RAB37: variants seen among roughly 807,000 people sequenced by gnomAD.
RAB37 encodes RAB37, member RAS oncogene family, also known as ras-related protein Rab-37.
In RAB37, 29 loss-of-function variants were observed where a neutral mutation model predicts 33.1. That is an observed-to-expected ratio of 0.88 (90% confidence interval 0.65 to 1.20). The LOEUF (loss-of-function observed/expected upper bound fraction) is 1.20. RAB37 is among the 50% of genes most tolerant of loss of function. The pLI, the probability that RAB37 is intolerant of heterozygous loss-of-function variation, is 0.00. For synonymous variants in RAB37, 128 were observed against 119.5 expected (o/e 1.07, Z -0.47); for missense variants, 299 against 301.1 (o/e 0.99, Z 0.05).
At chr17:74,695,392 C>G in intron 1 of RAB37, 1 of 1,006,388 alleles carries the variant, frequency 9.9e-7, no homozygotes, top group Middle Eastern at 2.5e-4. Context: ...TCCCCCTTCA[C>G]TCTGCCAAGC....
intron 1 of RAB37, among the ~76,000 whole-genome samples, chr17:74,689,288 C>T (rs1385499322): frequency 6.6e-6 from 1 of 151,868 alleles, no homozygotes; most frequent in East Asian, 1.9e-4. Context: ...ACTAAAAATA[C>T]AAAAATTAGC....
chr17:74,744,414 C>T lies in RAB37; in HGVS notation c.432+41C>T, dbSNP rs1488143570. 6.3e-7 allele frequency: 1 copy of T among 1,597,888 alleles called. No homozygotes were observed. ...GCAGGGTCAGCCCAGCCCTGCACTT[C>T]CTCAGCCCTAGCCGGCCCCATAACC... On this transcript the variant is annotated intron_variant, in intron 6 of 8. Coordinates refer to ENST00000392613, the MANE Select transcript of RAB37 (RefSeq NM_001006638.3). The surrounding 1 kb of genome is among the most constrained non-coding windows in gnomAD (Gnocchi z 4.2).
In RAB37 at chr17:74,676,981, C is replaced by G. The variant is rs768627464; in HGVS notation, c.72+5323C>G. Among the ~76,000 whole-genome samples, 20 of 151,960 alleles carry G rather than the reference C, an allele frequency of 1.3e-4. No individual in the cohort carries two copies. Among genetic ancestry groups the G allele is most frequent in the Non-Finnish European group, 2.5e-4 (17 of 67,994 alleles). On this transcript the variant is annotated intron_variant, in intron 1 of 7. Coordinates refer to the RAB37 transcript ENST00000340415. The surrounding 1 kb of genome is among the most constrained non-coding windows in gnomAD (Gnocchi z 4.1). ...GCTTGGCCAACATGGTGAAACTCGT[C>G]TCTACTAAAAATACAAAAATTAGTC...
chr17:74,702,986 T>C (rs773496412), intron 1 of RAB37: 1 of 1,431,730 alleles, frequency 7.0e-7, no homozygotes, highest in South Asian at 1.1e-5. Context: ...AGTTCTCCAT[T>C]GGAGGAGTTT....
chr17:74,709,085 G>A (rs1000379274), intron 1 of RAB37, among the ~76,000 whole-genome samples: 2 of 151,638 alleles, frequency 1.3e-5, no homozygotes, highest in Admixed American at 6.6e-5. Context: ...TTAGCTGGGC[G>A]TGGTGGCGGG....
In RAB37 at chr17:74,671,582, C is replaced by T. The variant is rs750752439; in HGVS notation, c.-5C>T. 8 of 1,614,066 alleles carry T rather than the reference C, an allele frequency of 5.0e-6. No individual in the cohort carries two copies. The highest frequency in any genetic ancestry group is 6.8e-6 in the Non-Finnish European group (8 of 1,180,020). ...AGAGCCGGAGCGGCGAGCTCCAAGC[C>T]TGGCATGGACCTGCAGAGACCCGAT... On this transcript the variant is annotated 5_prime_UTR_variant, in exon 1 of 8. Coordinates refer to the RAB37 transcript ENST00000340415. The surrounding 1 kb of genome is among the most constrained non-coding windows in gnomAD (Gnocchi z 5.0).
At position 74,746,908 on chromosome 17, in the gene RAB37, G is replaced by A. The variant is rs2034772423; in HGVS notation, c.*1497G>A. The A allele has an allele frequency of 6.6e-6, 1 of 152,224 alleles. No individual in the cohort carries two copies. Among genetic ancestry groups the A allele is most frequent in the Non-Finnish European group, 1.5e-5 (1 of 68,054 alleles). The allele number at this position is 152,224 out of a possible 1,614,324, so 9.4% of individuals were successfully genotyped here. ...TGCAATATGAGTAAAACAAAGTCAT[G>A]TGGGTATGTCTGGGGTAGAGAGAGG... On this transcript the variant is annotated 3_prime_UTR_variant, in exon 9 of 9. Coordinates refer to ENST00000392613, the MANE Select transcript of RAB37 (RefSeq NM_001006638.3). This position sits in a 1 kb window ranked among gnomAD's most constrained non-coding sequence, Gnocchi z 5.2.
intron 1 of RAB37, among the ~76,000 whole-genome samples, chr17:74,679,419 CCTT>C (rs1326924353): frequency 6.6e-6 from 1 of 152,140 alleles, no homozygotes; most frequent in Non-Finnish European, 1.5e-5. Context: ...GATCCTTCCT[CCTT>C]CTCTGGGTCC....
At chr17:74,728,705 G>A (rs2034340973) in intron 1 of RAB37, among the ~76,000 whole-genome samples, 1 of 152,042 alleles carries the variant, frequency 6.6e-6, no homozygotes, top group Admixed American at 6.5e-5. Context: ...GTGCATGTGT[G>A]TGCATGTGTG....
intron 1 of RAB37, among the ~76,000 whole-genome samples, chr17:74,696,523 G>A (rs890253837): frequency 6.6e-6 from 1 of 152,234 alleles, no homozygotes; most frequent in African/African-American, 2.4e-5. Context: ...CTGGGAGTAA[G>A]TTTGCTTCTG....
chr17:74,695,669 C>T (rs908607885), intron 1 of RAB37: 66 of 1,610,778 alleles, frequency 4.1e-5, no homozygotes, highest in South Asian at 7.7e-5. Flanking sequence ...CGGGGTGCAA[C>T]GGCAGGCCTG....
At chr17:74,686,025 GC>G (rs1178729682) in intron 1 of RAB37, among the ~76,000 whole-genome samples, 2 of 152,280 alleles carry the variant, frequency 1.3e-5, no homozygotes, top group Non-Finnish European at 2.9e-5. Context: ...GCAAGCACCA[GC>G]ACTGCCCCTG....
intron 1 of RAB37, among the ~76,000 whole-genome samples, chr17:74,683,658 A>G (rs1259998067): frequency 6.6e-6 from 1 of 152,190 alleles, no homozygotes; most frequent in African/African-American, 2.4e-5. Flanking sequence ...TTGCTGCCAG[A>G]TAAAAACCCC....
chr17:74,686,866 C>T (rs972899500), intron 1 of RAB37, among the ~76,000 whole-genome samples: 1 of 152,152 alleles, frequency 6.6e-6, no homozygotes, highest in African/African-American at 2.4e-5. Flanking sequence ...ATAAGTGCAC[C>T]GTCTGAATTT....
In RAB37 at chr17:74,742,124, T is replaced by C. The variant is rs1284567019; in HGVS notation, c.205-130T>C. ...GGTTCCTGCTGCCCTGATGGTATGA[T>C]CTGGCTGGAGACGGTTCTGGGGCTC... On this transcript the variant is annotated intron_variant, in intron 2 of 8. Coordinates refer to ENST00000392613, the MANE Select transcript of RAB37 (RefSeq NM_001006638.3). The surrounding 1 kb of genome is among the most constrained non-coding windows in gnomAD (Gnocchi z 4.0). 5.5e-6 allele frequency: 6 copies of C among 1,100,366 alleles called. No homozygotes were observed. The highest frequency in any genetic ancestry group is 1.4e-5 in the South Asian group (1 of 70,018). The allele number at this position is 1,100,366 out of a possible 1,614,324, so 68.2% of individuals were successfully genotyped here.
At chr17:74,712,720 C>T (rs1300232487) in intron 1 of RAB37, 3 of 1,176,646 alleles carry the variant, frequency 2.5e-6, no homozygotes, top group Non-Finnish European at 3.8e-6. Flanking sequence ...GCACAAGGCT[C>T]ATGCCATTAA....
At position 74,737,290 on chromosome 17, in the gene RAB37, C is replaced by T; in HGVS notation, c.18C>T (p.Gly6=). ...CCAGGGACATGACGGGCACGCCAGG[C>T]GCCGTTGCCACCCGGGATGGCGAGG... is the stretch of plus-strand genomic sequence containing the variant. The part of the protein sequence containing the change: MTGTP[G]AVATRDGEAP... The change falls in exon 1 of 9, where the codon GGC becomes GGT. Residue 6 remains glycine, a synonymous_variant. Transcript: ENST00000392613. The T allele has an allele frequency of 6.4e-7, 1 of 1,571,390 alleles. No homozygotes were observed. The highest frequency in any genetic ancestry group is 8.6e-7 in the Non-Finnish European group (1 of 1,165,812).
chr17:74,706,623 G>T lies in RAB37; in HGVS notation c.73-22633G>T, dbSNP rs1183717190. ...GCAGAGGTTGCAATGAGCCAAGATG[G>T]CGCCATAGCACTCCAGCCTGGGCAA... On this transcript the variant is annotated intron_variant, in intron 1 of 7. Transcript: ENST00000340415. 2.0e-5 allele frequency among the ~76,000 whole-genome samples: 3 copies of T among 152,004 alleles called. No individual in the cohort carries two copies. In the East Asian group the frequency reaches 5.8e-4, roughly 29 times the overall value.
chr17:74,711,321 C>T (rs1224207678), intron 1 of RAB37, among the ~76,000 whole-genome samples: 1 of 152,172 alleles, frequency 6.6e-6, no homozygotes, highest in Admixed American at 6.5e-5. Flanking sequence ...ACACGACTCT[C>T]ACATCTGCTC....
Sources: gnomAD v4.1 joint callset for allele counts (sites outside exome capture counted in the v4.1 genomes callset) on GRCh38, gnomAD v4.1.1 for gene constraint, Gnocchi (gnomAD v3.1) non-coding constraint, MANE v1.5 for transcripts, NCBI Gene and HGNC (gene_info 2026-07-23, HGNC 2026-07-21) for gene names.